PRKN: variants seen among roughly 807,000 people sequenced by gnomAD.
The protein encoded by PRKN is E3 ubiquitin-protein ligase parkin.
In PRKN, 56 loss-of-function variants were observed where a neutral mutation model predicts 59.5. The observed-to-expected ratio is 0.94, with a 90% CI of 0.76 to 1.18. The LOEUF is 1.18. Among genes scored for constraint, PRKN ranks in the 50% most tolerant of loss-of-function variants. The probability of loss-of-function intolerance (pLI) is 0.00; values close to 1 mark genes in which losing one functional copy is unlikely to be tolerated. For synonymous variants in PRKN, 250 were observed against 222.1 expected (o/e 1.13, Z -1.12); for missense variants, 657 against 596.4 (o/e 1.10, Z -1.06).
intron 4 of PRKN, among the ~76,000 whole-genome samples, chr6:162,126,824 G>A (rs1329466891): frequency 1.3e-5 from 2 of 152,048 alleles, no homozygotes; most frequent in Non-Finnish European, 2.9e-5. Flanking sequence ...TTGTTTGTTT[G>A]TTTGTTTGCT....
At position 161,417,444 on chromosome 6, in the gene PRKN, G is replaced by A. The variant is rs373668976; in HGVS notation, c.1084-30567C>T. On this transcript the variant is annotated intron_variant, in intron 9 of 11. Transcript: ENST00000366898. The surrounding 1 kb of genome is among the most constrained non-coding windows in gnomAD (Gnocchi z 5.4). ...CAGCCTGGCAACAGAGCCAGACGCC[G>A]TTTCAAAAAAAAAAAAAAAAAGTCA... Among the ~76,000 whole-genome samples the A allele has an allele frequency of 1.9e-5, 2 of 104,126 alleles. No individual in the cohort carries two copies. The highest frequency in any genetic ancestry group is 6.9e-5 in the African/African-American group (2 of 28,886). The allele number at this position is 104,126 out of a possible 152,430, so 68.3% of individuals were successfully genotyped here.
intron 7 of PRKN, among the ~76,000 whole-genome samples, chr6:161,639,917 T>C (rs1257617105): frequency 6.6e-6 from 1 of 152,170 alleles, no homozygotes; most frequent in Non-Finnish European, 1.5e-5. Context: ...CTACTCAGAA[T>C]ACCATGAGGC....
At chr6:162,720,817 T>C (rs2128240608) in intron 1 of PRKN, among the ~76,000 whole-genome samples, 1 of 152,292 alleles carries the variant, frequency 6.6e-6, no homozygotes, top group Non-Finnish European at 1.5e-5. Context: ...GAAACTATTC[T>C]GCACTATTCT....
chr6:162,223,912 A>G (rs1196020543), intron 3 of PRKN, among the ~76,000 whole-genome samples: 1 of 152,092 alleles, frequency 6.6e-6, no homozygotes, highest in Non-Finnish European at 1.5e-5. Flanking sequence ...TATTATTCCA[A>G]TGTATCCCTT....
chr6:162,126,688 C>T (rs1214682632), intron 4 of PRKN, among the ~76,000 whole-genome samples: 1 of 152,218 alleles, frequency 6.6e-6, no homozygotes, highest in Non-Finnish European at 1.5e-5. Flanking sequence ...TTTGCAGCTA[C>T]TCTTGGTCCA....
chr6:162,721,845 G>T (rs1464799030), intron 1 of PRKN, among the ~76,000 whole-genome samples: 1 of 152,160 alleles, frequency 6.6e-6, no homozygotes, highest in East Asian at 1.9e-4. Flanking sequence ...TTCACATAAA[G>T]TTGGTGCCAT....
In PRKN at chr6:161,592,560, C is replaced by T. The variant is rs377404341; in HGVS notation, c.872-23144G>A. Among the ~76,000 whole-genome samples the T allele has an allele frequency of 1.4e-4, 21 of 152,194 alleles. No homozygotes were observed. The highest frequency in any genetic ancestry group is 4.8e-4 in the African/African-American group (20 of 41,524). ...TAAGAGGAATACAGACGATTAGACA[C>T]AGTTCCTATGCTCAGGGGATTTACA... On this transcript the variant is annotated intron_variant, in intron 7 of 11. Transcript: ENST00000366898. The surrounding 1 kb of genome is among the most constrained non-coding windows in gnomAD (Gnocchi z 4.8).
intron 5 of PRKN, among the ~76,000 whole-genome samples, chr6:162,042,122 C>T (rs185815637): frequency 3.3e-5 from 5 of 151,612 alleles, no homozygotes; most frequent in Admixed American, 2.6e-4. Context: ...TTTATATTTG[C>T]TTTTATTTGA....
intron 4 of PRKN, among the ~76,000 whole-genome samples, chr6:162,138,481 A>T (rs1781639763): frequency 6.6e-6 from 1 of 152,214 alleles, no homozygotes; most frequent in Non-Finnish European, 1.5e-5. Flanking sequence ...CACCTAATGT[A>T]CAATGTCTGG....
At chr6:161,586,859 CCAGAGCAACAA>C (rs1333457734) in intron 7 of PRKN, among the ~76,000 whole-genome samples, 2 of 152,186 alleles carry the variant, frequency 1.3e-5, no homozygotes, top group Non-Finnish European at 2.9e-5. Context: ...GATTCTGAAT[CCAGAGCAACAA>C]CAACCAATTA....
At position 161,447,153 on chromosome 6, in the gene PRKN, T is replaced by C. The variant is rs796731663; in HGVS notation, c.1084-60276A>G. Reference sequence around the variant, plus strand: ...ACTATAGCAACATCTTTCCTGCTACTAGGACAGTTAAGTCCCCCTGTGAAG... The same window carrying C: ...ACTATAGCAACATCTTTCCTGCTACCAGGACAGTTAAGTCCCCCTGTGAAG... On this transcript the variant is annotated intron_variant, in intron 9 of 11. Transcript: ENST00000366898. This position sits in a 1 kb window ranked among gnomAD's most constrained non-coding sequence, Gnocchi z 4.1. Among the ~76,000 whole-genome samples the C allele has an allele frequency of 1.3e-4, 20 of 152,338 alleles. No individual in the cohort carries two copies. Among genetic ancestry groups the C allele is most frequent in the African/African-American group, 4.8e-4 (20 of 41,586 alleles).
At chr6:161,902,577 T>TTTTTTTTTTTTTG in intron 6 of PRKN, among the ~76,000 whole-genome samples, 1 of 147,550 alleles carries the variant, frequency 6.8e-6, no homozygotes, top group Non-Finnish European at 1.5e-5. Context: ...TTTTTTTTTT[T>TTTTTTTTTTTTTG]GCGACAGAGT....
At chr6:162,088,755 G>T (rs1779356030) in intron 4 of PRKN, among the ~76,000 whole-genome samples, 1 of 152,126 alleles carries the variant, frequency 6.6e-6, no homozygotes, top group Non-Finnish European at 1.5e-5. Flanking sequence ...AAAAGTCCAG[G>T]TCCAGGGGAT....
intron 4 of PRKN, among the ~76,000 whole-genome samples, chr6:162,061,012 G>A (rs542222142): frequency 1.3e-5 from 2 of 152,232 alleles, no homozygotes; most frequent in South Asian, 4.1e-4. Context: ...TCTTGAAAAA[G>A]CTGTACCCAG....
chr6:161,449,835 G>A (rs1245965549), intron 9 of PRKN, among the ~76,000 whole-genome samples: 1 of 151,896 alleles, frequency 6.6e-6, no homozygotes, highest in African/African-American at 2.4e-5. Flanking sequence ...GAAGCAATGG[G>A]AAAGTGCAGG....
chr6:162,136,995 G>A (rs902668191), intron 4 of PRKN, among the ~76,000 whole-genome samples: 6 of 151,842 alleles, frequency 4.0e-5, no homozygotes, highest in African/African-American at 1.4e-4. Flanking sequence ...GAAGTGGGCA[G>A]ATGTATAAAG....
At chr6:161,691,005 C>CCATT (rs1323392421) in intron 7 of PRKN, among the ~76,000 whole-genome samples, 6 of 150,188 alleles carry the variant, frequency 4.0e-5, no homozygotes, top group Non-Finnish European at 8.9e-5. Flanking sequence ...ATCCATCCAT[C>CCATT]CAACCATCCG....
intron 2 of PRKN, among the ~76,000 whole-genome samples, chr6:162,397,973 G>A (rs1010932805): frequency 1.3e-5 from 2 of 149,000 alleles, no homozygotes; most frequent in African/African-American, 2.5e-5. Context: ...GTACCTGGAC[G>A]TTGCAGTGAG....
At chr6:162,508,902 T>C (rs935945607) in intron 1 of PRKN, among the ~76,000 whole-genome samples, 9 of 151,962 alleles carry the variant, frequency 5.9e-5, no homozygotes, top group African/African-American at 1.9e-4. Context: ...TAAAGGAAGA[T>C]AAAGTTTCTT....
Sources: gnomAD v4.1 joint callset for allele counts (sites outside exome capture counted in the v4.1 genomes callset) on GRCh38, gnomAD v4.1.1 for gene constraint, Gnocchi (gnomAD v3.1) non-coding constraint, MANE v1.5 for transcripts, NCBI Gene and HGNC (gene_info 2026-07-23, HGNC 2026-07-21) for gene names.